The following GIGYF2 variants were observed in gnomAD, a reference collection of about 807,000 sequenced individuals.
GIGYF2 encodes GRB10 interacting GYF protein 2, also known as GRB10-interacting GYF protein 2.
A neutral mutation model predicts 208.1 loss-of-function variants in GIGYF2; 25 were observed. That is an observed-to-expected ratio of 0.12 (90% CI 0.09 to 0.17). The LOEUF is 0.17. Among genes scored for constraint, GIGYF2 ranks in the 10% least tolerant of loss-of-function variants. GIGYF2 has a pLI of 1.00. For missense variants in GIGYF2, 1,302 were observed against 1,579.4 expected (o/e 0.82, Z 2.98); for synonymous variants, 534 against 543.8 (o/e 0.98, Z 0.25).
intron 2 of GIGYF2, among the ~76,000 whole-genome samples, chr2:232,713,082 T>TC (rs998758771): frequency 6.6e-5 from 10 of 150,488 alleles, no homozygotes; most frequent in Non-Finnish European, 1.0e-4. Flanking sequence ...AAAAACTTCT[T>TC]TTTTTTTTTT....
chr2:232,821,999 C>CTTA (rs1186695909), intron 21 of GIGYF2, among the ~76,000 whole-genome samples: 1 of 148,682 alleles, frequency 6.7e-6, no homozygotes, highest in Admixed American at 6.7e-5. Flanking sequence ...TTTGCCTGTC[C>CTTA]TTAAATGAGT....
At chr2:232,761,459 T>G in intron 8 of GIGYF2, 23 bp downstream of exon 8, 3 of 1,443,242 alleles carry the variant, frequency 2.1e-6, no homozygotes, top group Non-Finnish European at 2.9e-6. Context: ...CCTACACACA[T>G]AAGGATAAAT....
At chr2:232,819,297 A>G (rs1701005984) in intron 20 of GIGYF2, among the ~76,000 whole-genome samples, 1 of 152,210 alleles carries the variant, frequency 6.6e-6, no homozygotes, top group African/African-American at 2.4e-5. Context: ...AAATGATCTC[A>G]ACAATGGGAC....
intron 6 of GIGYF2, 52 bp from the exon 7 acceptor site, chr2:232,760,428 G>A: frequency 8.9e-7 from 1 of 1,119,888 alleles, no homozygotes; most frequent in East Asian, 2.4e-5. Flanking sequence ...TGGTGAATGT[G>A]TGCCACATGT....
In GIGYF2 at chr2:232,836,809, A is replaced by G. The variant is rs552608676; in HGVS notation, c.2767-3040A>G. On this transcript the variant is annotated intron_variant, in intron 22 of 28. Transcript: ENST00000373563. Reference sequence around the variant, plus strand: ...CTAATTGCCTTTTATCCCAACTTCTACTGTTTCTGAAAACACCATTAGGCT... The same window carrying G: ...CTAATTGCCTTTTATCCCAACTTCTGCTGTTTCTGAAAACACCATTAGGCT... 3.2e-4 allele frequency among the ~76,000 whole-genome samples: 49 copies of G among 152,134 alleles called. 1 individual carries two copies. The South Asian group carries it at 9.3e-3, about 29-fold the overall frequency.
intron 15 of GIGYF2, among the ~76,000 whole-genome samples, 172 bp from the exon 16 acceptor site, chr2:232,809,548 T>G (rs1047620823): frequency 4.6e-5 from 7 of 152,156 alleles, no homozygotes; most frequent in African/African-American, 1.2e-4. Context: ...CTAGATGGTG[T>G]TGTTTAGTTT....
chr2:232,743,496 G>C (rs1391246920), intron 3 of GIGYF2, among the ~76,000 whole-genome samples: 1 of 152,094 alleles, frequency 6.6e-6, no homozygotes, highest in East Asian at 1.9e-4. Flanking sequence ...TTGTTGTACA[G>C]ATTATTTCAT....
Position 232,787,322 on chromosome 2 carries a change from C to T in GIGYF2, c.705C>T (p.His235=). 1 of 1,613,598 alleles carries T rather than the reference C, an allele frequency of 6.2e-7. No individual in the cohort carries two copies. Among genetic ancestry groups the T allele is most frequent in the Non-Finnish European group, 8.5e-7 (1 of 1,179,634 alleles). The change falls in exon 9 of 29, where the codon CAC becomes CAT. Residue 235 remains histidine (H), a synonymous_variant. Coordinates refer to ENST00000373563, the MANE Select transcript of GIGYF2 (RefSeq NM_001103146.3). The part of the protein sequence containing the change: ...SRRDGERWRP[H]SPDGPRSAGW... ...GGGATGGAGAGAGGTGGCGACCTCACAGTCCTGGTAAGAATTCTGTTGAGT... is the reference window on the plus strand; with the variant it reads ...GGGATGGAGAGAGGTGGCGACCTCATAGTCCTGGTAAGAATTCTGTTGAGT...
intron 8 of GIGYF2, among the ~76,000 whole-genome samples, chr2:232,781,287 TAC>T (rs3062047): frequency 0.14 from 18,136 of 126,808 alleles, 1,397 homozygotes; most frequent in Admixed American, 0.18. Context: ...ATATCAGGAA[TAC>T]ACACACACAC....
intron 2 of GIGYF2, among the ~76,000 whole-genome samples, chr2:232,715,334 A>G (rs1251305613): frequency 3.9e-5 from 6 of 152,234 alleles, no homozygotes; most frequent in South Asian, 2.1e-4. Context: ...TGGCATAGGT[A>G]ATGATTCAGA....
chr2:232,854,857 T>C (rs1277107878), intron 28 of GIGYF2, among the ~76,000 whole-genome samples: 1 of 152,232 alleles, frequency 6.6e-6, no homozygotes, highest in African/African-American at 2.4e-5. Flanking sequence ...GAACTGCTTT[T>C]AGAATAAGGA....
intron 6 of GIGYF2, among the ~76,000 whole-genome samples, chr2:232,759,169 TAAATTAC>T (rs1559408608): frequency 6.6e-6 from 1 of 152,188 alleles, no homozygotes; most frequent in Non-Finnish European, 1.5e-5. Context: ...TAATTCTTGA[TAAATTAC>T]AAACAAGAAA....
chr2:232,710,631 C>A (rs1303119065), intron 2 of GIGYF2, among the ~76,000 whole-genome samples: 1 of 150,974 alleles, frequency 6.6e-6, no homozygotes, highest in Admixed American at 6.6e-5. Flanking sequence ...CCTTGGAAAA[C>A]GTACAGTTTG....
At position 232,771,310 on chromosome 2, in the gene GIGYF2, C is replaced by T. The variant is rs144268831; in HGVS notation, c.532+9874C>T. On this transcript the variant is annotated intron_variant, in intron 8 of 28. Transcript: ENST00000373563. ...GTGGCCATCCTTGGTGACCATCCTC[C>T]GGTATCTTTGACTTAGGAGAGGAGC... 50 of 1,611,312 alleles carry T rather than the reference C, an allele frequency of 3.1e-5. No individual in the cohort carries two copies. The highest frequency in any genetic ancestry group is 9.9e-5 in the South Asian group (9 of 90,586).
Position 232,811,260 on chromosome 2 carries a change from GT to G in GIGYF2, c.1919del (p.Leu640TrpfsTer27). The G allele has an allele frequency of 1.2e-6, 2 of 1,604,982 alleles. No homozygotes were observed. The highest frequency in any genetic ancestry group is 1.7e-6 in the Non-Finnish European group (2 of 1,171,824). ...QFLIQQQYAQ[V>X]LAQQQKAALS... ...TTTTTGAAGACAACAATATGCACAG[GT>G]TTTGGCCCAACAGCAGAAAGCAGCA... On this transcript the variant is annotated frameshift_variant, in exon 17 of 29. Transcript: ENST00000373563. LOFTEE classifies it high-confidence loss of function.
At chr2:232,811,598 G>A (rs1008944782) in intron 17 of GIGYF2, among the ~76,000 whole-genome samples, 5 of 152,156 alleles carry the variant, frequency 3.3e-5, no homozygotes, top group African/African-American at 1.2e-4. Flanking sequence ...GGGAACTCTT[G>A]AGAAACAGTG....
chr2:232,845,023 C>G (rs1446220159), intron 25 of GIGYF2, among the ~76,000 whole-genome samples: 1 of 151,974 alleles, frequency 6.6e-6, no homozygotes. Flanking sequence ...ATCTTTCTTT[C>G]TTCAATATAC....
chr2:232,843,358 G>C (rs1338428247), intron 23 of GIGYF2, among the ~76,000 whole-genome samples: 1 of 151,802 alleles, frequency 6.6e-6, no homozygotes, highest in African/African-American at 2.4e-5. Context: ...AGGAGTTCAA[G>C]GCCAGCCTGA....
chr2:232,710,250 C>T (rs945393442), intron 2 of GIGYF2, among the ~76,000 whole-genome samples: 6 of 152,138 alleles, frequency 3.9e-5, no homozygotes, highest in Admixed American at 2.0e-4. Context: ...TGAGCCACCG[C>T]GCCTGGCCTA....
Sources: allele counts gnomAD v4.1 joint callset (sites outside exome capture counted in the v4.1 genomes callset), GRCh38; gene constraint gnomAD v4.1.1; transcripts MANE v1.5; gene names NCBI Gene and HGNC (gene_info 2026-07-23, HGNC 2026-07-21).